Variants in DOCK8 observed in about 807,000 individuals in gnomAD.
DOCK8 encodes the protein dedicator of cytokinesis 8.
DOCK8 carries 141 observed loss-of-function variants against 245.6 expected under a neutral mutation model. The ratio of observed to expected loss-of-function variants is 0.57; its 90% CI spans 0.50 to 0.66. The LOEUF is 0.66. Ranked by LOEUF, DOCK8 falls within the 30% of genes least tolerant of loss-of-function variation. The probability of loss-of-function intolerance (pLI) is 0.00; values close to 1 mark genes in which losing one functional copy is unlikely to be tolerated. For synonymous variants in DOCK8, 1,168 were observed against 970.2 expected (o/e 1.20, Z -3.79); for missense variants, 2,965 against 2,603.4 (o/e 1.14, Z -3.02).
chr9:253,362 T>C (rs7033013), intron 1 of DOCK8, among the ~76,000 whole-genome samples: 4,351 of 152,282 alleles, frequency 0.029, 204 homozygotes, highest in African/African-American at 0.1. Context: ...ATTTCTTTCC[T>C]CTTTAAATGG....
intron 1 of DOCK8, among the ~76,000 whole-genome samples, chr9:237,896 A>G (rs1171807579): frequency 6.6e-6 from 1 of 150,632 alleles, no homozygotes; most frequent in Non-Finnish European, 1.5e-5. Flanking sequence ...TAGAATTCAT[A>G]TTTTATTTGA....
chr9:317,001 C>A, intron 6 of DOCK8, 42 bp from the exon 7 acceptor site: 1 of 1,502,506 alleles, frequency 6.7e-7, no homozygotes, highest in Non-Finnish European at 9.3e-7. Flanking sequence ...GAGCTCCCCA[C>A]AGAATTCACT....
At chr9:281,247 CAA>C (rs35178052) in intron 2 of DOCK8, among the ~76,000 whole-genome samples, 14 of 142,426 alleles carry the variant, frequency 9.8e-5, no homozygotes, top group African/African-American at 1.8e-4. Flanking sequence ...GACTCTGTCT[CAA>C]AAAAAAAAAA....
intron 6 of DOCK8, chr9:314,193 T>C (rs2050247397): frequency 6.6e-6 from 1 of 152,232 alleles, no homozygotes; most frequent in Admixed American, 6.5e-5. Context: ...CATGTAACTT[T>C]TTAGTTTCCA....
intron 28 of DOCK8, 138 bp downstream of exon 28, chr9:407,207 T>C (rs1586941236): frequency 7.5e-7 from 1 of 1,341,014 alleles, no homozygotes; most frequent in Non-Finnish European, 1.0e-6. Flanking sequence ...AACATCTGTC[T>C]TGAGAATATG....
chr9:441,062 C>T (rs991699098), intron 40 of DOCK8, among the ~76,000 whole-genome samples: 1 of 152,106 alleles, frequency 6.6e-6, no homozygotes, highest in African/African-American at 2.4e-5. Context: ...GAAAGCTCTT[C>T]TCCTTACTTA....
intron 1 of DOCK8, among the ~76,000 whole-genome samples, chr9:235,140 G>A (rs2047215011): frequency 6.6e-6 from 1 of 152,192 alleles, no homozygotes. Context: ...CTGCAGGTCT[G>A]TTGGAGTTTG....
At chr9:357,449 A>G (rs765662723) in intron 14 of DOCK8, among the ~76,000 whole-genome samples, 7 of 151,806 alleles carry the variant, frequency 4.6e-5, no homozygotes, top group Admixed American at 3.3e-4. Context: ...CTATTGTTTT[A>G]TTTCTCTCTC....
intron 40 of DOCK8, among the ~76,000 whole-genome samples, chr9:440,947 A>T (rs1213337956): frequency 6.6e-6 from 1 of 151,970 alleles, no homozygotes; most frequent in Admixed American, 6.6e-5. Flanking sequence ...GGTGTCTAGG[A>T]TGATCTGAAC....
At chr9:374,388 A>G (rs186650943) in intron 18 of DOCK8, among the ~76,000 whole-genome samples, 3 of 151,600 alleles carry the variant, frequency 2.0e-5, no homozygotes, top group East Asian at 1.9e-4. Flanking sequence ...CATTGATTAC[A>G]TATTGAAACA....
chr9:340,456 A>G, intron 14 of DOCK8, 135 bp downstream of exon 14: 1 of 1,122,564 alleles, frequency 8.9e-7, no homozygotes, highest in Non-Finnish European at 1.3e-6. Flanking sequence ...CCGTGTCTCT[A>G]CAACATATAC....
intron 41 of DOCK8, among the ~76,000 whole-genome samples, 197 bp downstream of exon 41, chr9:441,614 A>T (rs1452952928): frequency 6.6e-6 from 1 of 152,234 alleles, no homozygotes; most frequent in Non-Finnish European, 1.5e-5. Context: ...ATACAGCTTA[A>T]ATTACTTTAT....
chr9:224,051 G>C (rs2046939393), intron 1 of DOCK8, among the ~76,000 whole-genome samples: 1 of 152,260 alleles, frequency 6.6e-6, no homozygotes, highest in Middle Eastern at 3.4e-3. Flanking sequence ...TAGGTACCTT[G>C]TCAAATAGTT....
chr9:395,531 T>TAGTAG (rs2054408260), intron 24 of DOCK8, among the ~76,000 whole-genome samples: 1 of 149,376 alleles, frequency 6.7e-6, no homozygotes, highest in Non-Finnish European at 1.5e-5. Context: ...TCCAGTGCCA[T>TAGTAG]TAGTAGTAGT....
intron 12 of DOCK8, among the ~76,000 whole-genome samples, chr9:338,266 C>G (rs567817867): frequency 6.6e-6 from 1 of 152,146 alleles, no homozygotes; most frequent in African/African-American, 2.4e-5. Context: ...TCCATAGCTA[C>G]GCAGTCTTCG....
chr9:450,034 C>A, intron 45 of DOCK8, 107 bp downstream of exon 45: 1 of 1,266,432 alleles, frequency 7.9e-7, no homozygotes, highest in Non-Finnish European at 1.1e-6. Flanking sequence ...GATCCATAGA[C>A]AAACACAGAA....
Position 452,038 on chromosome 9 carries a change from T to C in DOCK8, c.5989T>C (p.Leu1997=). ...ACCACTGGAAGTAGCCCAAGTGTTT[T>C]TGGCTGAAATTCCTGCTGATCCAAA... ...QGPLEVAQVF[L]AEIPADPKLY... is the part of the protein sequence containing the mutation. Residue 1997 remains leucine, a synonymous_variant, in exon 46 of 48, where the codon TTG becomes CTG. Coordinates refer to ENST00000432829, the MANE Select transcript of DOCK8 (RefSeq NM_203447.4). 6.2e-7 allele frequency: 1 copy of C among 1,603,880 alleles called. No homozygotes were observed. The highest frequency in any genetic ancestry group is 8.5e-7 in the Non-Finnish European group (1 of 1,175,492).
intron 34 of DOCK8, among the ~76,000 whole-genome samples, chr9:428,000 C>G (rs1485540886): frequency 6.6e-6 from 1 of 152,088 alleles, no homozygotes; most frequent in African/African-American, 2.4e-5. Context: ...ACCAAGCAGC[C>G]CCTGTTGTAC....
At chr9:322,610 T>C (rs779146693) in intron 7 of DOCK8, among the ~76,000 whole-genome samples, 60 of 152,364 alleles carry the variant, frequency 3.9e-4, no homozygotes, top group Non-Finnish European at 4.4e-4. Context: ...AAAGCACTTA[T>C]TATAACACAA....
Sources: gnomAD v4.1 joint callset for allele counts (sites outside exome capture counted in the v4.1 genomes callset) on GRCh38, gnomAD v4.1.1 for gene constraint, MANE v1.5 for transcripts, NCBI Gene and HGNC (gene_info 2026-07-23, HGNC 2026-07-21) for gene names.